PLXDC1: variants seen among roughly 807,000 people sequenced by gnomAD.
PLXDC1 encodes plexin domain-containing protein 1.
Under a neutral mutation model 61.3 loss-of-function variants are expected in PLXDC1, and 39 were observed. The observed-to-expected ratio is 0.64, with a 90% CI of 0.49 to 0.83. The LOEUF is 0.83. Among genes scored for constraint, PLXDC1 ranks in the 40% least tolerant of loss-of-function variants. The probability of loss-of-function intolerance (pLI) is 0.00; values close to 1 mark genes in which losing one functional copy is unlikely to be tolerated. For synonymous variants in PLXDC1, 212 were observed against 254.5 expected, an observed-to-expected ratio of 0.83 and a Z score of 1.59; for missense variants, 596 against 666.5, an observed-to-expected ratio of 0.89 and a Z score of 1.17.
At chr17:39,150,557 A>G (rs78933319) in intron 1 of PLXDC1, among the ~76,000 whole-genome samples, 32 of 152,240 alleles carry the variant, frequency 2.1e-4, no homozygotes, top group Admixed American at 6.5e-4. Context: ...AGACTATGAA[A>G]ATTATACCAT....
intron 7 of PLXDC1, among the ~76,000 whole-genome samples, chr17:39,091,228 G>A (rs376178910): frequency 6.6e-6 from 1 of 152,164 alleles, no homozygotes; most frequent in Non-Finnish European, 1.5e-5. Context: ...GAATGGACTG[G>A]GGACCCTGGA....
At position 39,069,978 on chromosome 17, in the gene PLXDC1, G is replaced by C. The variant is rs374151500; in HGVS notation, c.1261C>G (p.Pro421Ala). ...CCCACGATGGTGCCCAGGTGCACAGGAGTGCCCTTTGTCTTGGGGGACAGG... is the reference window on the plus strand; with the variant it reads ...CCCACGATGGTGCCCAGGTGCACAGCAGTGCCCTTTGTCTTGGGGGACAGG... ...NNLSPKTKGT[P>A]VHLGTIVGIV... Residue 421 changes from proline to alanine, a missense_variant, in exon 13 of 14, where the codon CCT (proline) becomes GCT (alanine). Transcript: ENST00000315392. 1.9e-6 allele frequency: 3 copies of C among 1,613,784 alleles called. No individual in the cohort carries two copies. In the African/African-American group the frequency reaches 4.0e-5, roughly 22 times the overall value.
chr17:39,129,960 A>G (rs1358699336), intron 2 of PLXDC1, among the ~76,000 whole-genome samples: 1 of 152,240 alleles, frequency 6.6e-6, no homozygotes, highest in Non-Finnish European at 1.5e-5. Flanking sequence ...CATAAAATGG[A>G]TAAACCTTGA....
At position 39,069,930 on chromosome 17, in the gene PLXDC1, CGAG is replaced by C; in HGVS notation, c.1306_1308del (p.Leu436del). 1.2e-6 allele frequency: 2 copies of C among 1,613,378 alleles called. No homozygotes were observed. The highest frequency in any genetic ancestry group is 2.2e-5 in the South Asian group (2 of 91,054). ...ATTCCAGCCAGGATGATGGCCGCCA[CGAG>C]GAGGACTGCCAGCACGATGCCCACG... On this transcript the variant is annotated inframe_deletion, in exon 13 of 14. Transcript: ENST00000315392.
chr17:39,070,977 CAAACA>C (rs1429099156), intron 12 of PLXDC1, among the ~76,000 whole-genome samples: 1 of 152,154 alleles, frequency 6.6e-6, no homozygotes, highest in Non-Finnish European at 1.5e-5. Context: ...GACTCCGTCT[CAAACA>C]AAACAAAACA....
intron 2 of PLXDC1, among the ~76,000 whole-genome samples, chr17:39,123,666 AC>A (rs1207449415): frequency 6.6e-6 from 1 of 151,904 alleles, no homozygotes; most frequent in East Asian, 1.9e-4. Context: ...CCTCAAAGCA[AC>A]CCCCAGCTCC....
intron 11 of PLXDC1, among the ~76,000 whole-genome samples, chr17:39,076,267 T>G (rs1415497771): frequency 6.6e-6 from 1 of 151,804 alleles, no homozygotes; most frequent in Non-Finnish European, 1.5e-5. Flanking sequence ...CCAGCACTTT[T>G]GGAGGCTGAG....
chr17:39,072,003 G>C (rs1422608225), intron 12 of PLXDC1: 2 of 173,948 alleles, frequency 1.1e-5, no homozygotes, highest in African/African-American at 4.7e-5. Context: ...CTGGCATCCT[G>C]CAAAAATTGT....
At position 39,135,676 on chromosome 17, in the gene PLXDC1, T is replaced by TCAAAAA. The variant is rs774933084; in HGVS notation, c.255+3977_255+3978insTTTTTG. Among the ~76,000 whole-genome samples, 2 of 104,402 alleles carry TCAAAAA rather than the reference T, an allele frequency of 1.9e-5. 1 individual carries two copies. The allele number at this position is 104,402 out of a possible 152,430, so 68.5% of individuals were successfully genotyped here. On this transcript the variant is annotated intron_variant, in intron 2 of 13. Coordinates refer to ENST00000315392, the MANE Select transcript of PLXDC1 (RefSeq NM_020405.5). ...CTGGGCAACTGAGCAACACTCCGTCTAAAAAAAAAAAAAAAAAAAAGTTCC... is the reference window on the plus strand; with the variant it reads ...CTGGGCAACTGAGCAACACTCCGTCTCAAAAAAAAAAAAAAAAAAAAAAAAAGTTCC...
At chr17:39,125,081 G>A (rs1247687453) in intron 2 of PLXDC1, among the ~76,000 whole-genome samples, 2 of 152,184 alleles carry the variant, frequency 1.3e-5, no homozygotes, top group African/African-American at 4.8e-5. Flanking sequence ...GCCTCCCAGA[G>A]TGCTGGGATT....
At chr17:39,098,425 C>T (rs950384553) in intron 7 of PLXDC1, among the ~76,000 whole-genome samples, 1 of 152,214 alleles carries the variant, frequency 6.6e-6, no homozygotes, top group Non-Finnish European at 1.5e-5. Flanking sequence ...TTCCCTTCAG[C>T]GGTGCCCTAA....
rs71141767 is a variant in PLXDC1, at chr17:39,146,070, CT to C, written c.76+5291del. The stretch of plus-strand genomic sequence containing the variant: ...AATCAGGCTGCACTTCGGCCCATTC[CT>C]TTTTTTTTTTTTTTTTTGAGAGGGA... On this transcript the variant is annotated intron_variant, in intron 1 of 13. Transcript: ENST00000315392. 2.6e-3 allele frequency among the ~76,000 whole-genome samples: 347 copies of C among 131,176 alleles called. 1 individual carries two copies. Among genetic ancestry groups the C allele is most frequent in the Middle Eastern group, 7.7e-3 (2 of 260 alleles). 86.1% of individuals were successfully genotyped at this position (131,176 alleles called of 152,430 possible). A position where few individuals can be genotyped will look rare whatever the true frequency, so the allele number is the denominator to read the frequency against.
At chr17:39,102,462 C>G (rs916527661) in intron 7 of PLXDC1, among the ~76,000 whole-genome samples, 1 of 151,982 alleles carries the variant, frequency 6.6e-6, no homozygotes, top group South Asian at 2.1e-4. Context: ...GAGAATATAG[C>G]GTACGGAAAT....
At chr17:39,087,943 CA>C (rs1195648337) in intron 7 of PLXDC1, among the ~76,000 whole-genome samples, 4 of 152,214 alleles carry the variant, frequency 2.6e-5, no homozygotes, top group African/African-American at 9.6e-5. Context: ...GGGGGCAGGA[CA>C]AATGGGATCC....
chr17:39,143,351 C>A lies in PLXDC1; in HGVS notation c.77-3519G>T, dbSNP rs3025181. On this transcript the variant is annotated intron_variant, in intron 1 of 13. Coordinates refer to ENST00000315392, the MANE Select transcript of PLXDC1 (RefSeq NM_020405.5). ...CTGTGTCAGATACCTGTCTCAACCT[C>A]TGCCTTCCCCCAGCCCACTCCCCAG... Among the ~76,000 whole-genome samples the A allele has an allele frequency of 5.1e-3, 778 of 152,338 alleles. 7 individuals are homozygous for A. The highest frequency in any genetic ancestry group is 4.9e-3 in the Non-Finnish European group (330 of 68,032).
chr17:39,096,876 C>G, intron 7 of PLXDC1: 3 of 471,028 alleles, frequency 6.4e-6, no homozygotes, highest in Non-Finnish European at 1.3e-5. Flanking sequence ...AGCGGATACA[C>G]TGTCCTGTGT....
At position 39,087,670 on chromosome 17, in the gene PLXDC1, G is replaced by T; in HGVS notation, c.844C>A (p.Arg282Ser). ...SRRRSIFEYH[R>S]IELDPSKVTS... ...ACCTTGCTGGGGTCCAGCTCTATGC[G>T]GTGATATTCAAAGATGCTCCTTCGC... The change falls in exon 8 of 14, where the codon CGC (arginine) becomes AGC (serine). Residue 282 changes from arginine to serine, a missense_variant. By Grantham distance (110) the Arg-to-Ser change is moderately radical (BLOSUM62 -1). Transcript: ENST00000315392. 6.2e-7 allele frequency: 1 copy of T among 1,613,996 alleles called. No homozygotes were observed. The highest frequency in any genetic ancestry group is 1.1e-5 in the South Asian group (1 of 91,062).
intron 2 of PLXDC1, among the ~76,000 whole-genome samples, chr17:39,124,255 C>T (rs1911252140): frequency 6.6e-6 from 1 of 152,232 alleles, no homozygotes; most frequent in Admixed American, 6.5e-5. Context: ...GTACCTTCTG[C>T]ATCAACACGT....
intron 12 of PLXDC1, among the ~76,000 whole-genome samples, chr17:39,071,845 G>T (rs959805486): frequency 3.3e-5 from 5 of 152,176 alleles, no homozygotes; most frequent in Admixed American, 3.3e-4. Flanking sequence ...GGAGCTGGAA[G>T]GCACTTTCAT....
Sources: allele counts gnomAD v4.1 joint callset (sites outside exome capture counted in the v4.1 genomes callset), GRCh38; gene constraint gnomAD v4.1.1; transcripts MANE v1.5; gene names NCBI Gene and HGNC (gene_info 2026-07-23, HGNC 2026-07-21).